Variants in NHSL2 observed in about 807,000 individuals in gnomAD.
NHSL2 encodes the protein NHS like 2, also known as NHS-like protein 2.
Under a neutral mutation model 53.4 loss-of-function variants are expected in NHSL2, and 27 were observed. That is an observed-to-expected ratio of 0.51 (90% CI 0.37 to 0.70). The LOEUF is 0.70. NHSL2 is among the 30% of genes least tolerant of loss of function. The pLI, the probability that NHSL2 is intolerant of heterozygous loss-of-function variation, is 0.00. For missense variants in NHSL2, 892 were observed against 980.1 expected (o/e 0.91, Z 1.20); for synonymous variants, 408 against 404.1 (o/e 1.01, Z -0.12).
intron 1 of NHSL2, among the ~76,000 whole-genome samples, chrX:71,935,274 C>G (rs753492634): frequency 2.7e-5 from 3 of 112,437 alleles, no homozygotes; most frequent in African/African-American, 9.7e-5. Flanking sequence ...AGGAAGCAGC[C>G]CTCTTCTGTT....
chrX:72,134,559 G>T lies in NHSL2; in HGVS notation c.615G>T (p.Arg205Ser). ...ATGAGACTACCACCCAGGGTGTGAGGGCCCCCGAGGCCTCCCTGAGCCTGT... is the reference window on the plus strand; with the variant it reads ...ATGAGACTACCACCCAGGGTGTGAGTGCCCCCGAGGCCTCCCTGAGCCTGT... ...SEDETTTQGV[R>S]APEASLSLST... Residue 205 changes from arginine (R) to serine (S), a missense_variant, in exon 4 of 8, where the codon AGG becomes AGT. Physicochemically the swap from Arg to Ser is moderately radical, Grantham distance 110. Coordinates refer to ENST00000633930, the MANE Select transcript of NHSL2 (RefSeq NM_001013627.3). The T allele has an allele frequency of 8.6e-7, 1 of 1,166,285 alleles. No individual in the cohort carries two copies. The highest frequency in any genetic ancestry group is 2.3e-4 in the Middle Eastern group (1 of 4,306).
chrX:71,995,290 C>T (rs958922645), intron 1 of NHSL2, among the ~76,000 whole-genome samples: 4 of 112,283 alleles, frequency 3.6e-5, no homozygotes, highest in African/African-American at 1.3e-4. Context: ...ATCCTCTATG[C>T]TCTACTCTCA....
intron 1 of NHSL2, among the ~76,000 whole-genome samples, chrX:72,107,744 G>C (rs931700990): frequency 8.9e-6 from 1 of 111,792 alleles, no homozygotes; most frequent in Admixed American, 9.5e-5. Flanking sequence ...ACTTCTACTA[G>C]GTGGAAAAGA....
chrX:72,066,143 G>A (rs2042427986), intron 1 of NHSL2, among the ~76,000 whole-genome samples: 1 of 111,614 alleles, frequency 9.0e-6, no homozygotes, highest in Admixed American at 9.5e-5. Flanking sequence ...GAAGGGGTCT[G>A]GGGAAGGATG....
At chrX:71,953,276 C>T (rs985920340) in intron 1 of NHSL2, among the ~76,000 whole-genome samples, 7 of 112,302 alleles carry the variant, frequency 6.2e-5, no homozygotes, top group Non-Finnish European at 9.4e-5. Context: ...GAGCTGGCTT[C>T]CCAAGGTAGA....
chrX:71,973,041 A>G, intron 1 of NHSL2, among the ~76,000 whole-genome samples: 1 of 112,078 alleles, frequency 8.9e-6, no homozygotes, highest in African/African-American at 3.2e-5. Flanking sequence ...TCAGACCTCC[A>G]AGGATGAGTG....
At chrX:72,055,117 C>T (rs2042361588) in intron 1 of NHSL2, among the ~76,000 whole-genome samples, 1 of 111,732 alleles carries the variant, frequency 8.9e-6, no homozygotes, top group South Asian at 3.7e-4. Flanking sequence ...GATGTCACTC[C>T]ATTTCCAGTG....
chrX:71,918,551 G>A (rs930592843), intron 1 of NHSL2, among the ~76,000 whole-genome samples: 1 of 111,355 alleles, frequency 9.0e-6, no homozygotes, highest in Non-Finnish European at 1.9e-5. Context: ...TAGGAGGCCC[G>A]GAGGTGATTG....
At chrX:71,997,962 T>C (rs1312480964) in intron 1 of NHSL2, among the ~76,000 whole-genome samples, 2 of 112,304 alleles carry the variant, frequency 1.8e-5, no homozygotes, top group African/African-American at 6.5e-5. Flanking sequence ...AGGAGCATTC[T>C]GAATTTCATG....
intron 1 of NHSL2, among the ~76,000 whole-genome samples, chrX:72,100,715 G>A (rs764942954): frequency 1.8e-5 from 2 of 112,425 alleles, no homozygotes; most frequent in Admixed American, 9.4e-5. Flanking sequence ...TCTAACTAAT[G>A]CCTGATGATC....
At chrX:72,083,489 C>A (rs997194413) in intron 1 of NHSL2, among the ~76,000 whole-genome samples, 1 of 112,346 alleles carries the variant, frequency 8.9e-6, no homozygotes, top group African/African-American at 3.2e-5. Flanking sequence ...GCTTACTAAT[C>A]TTCTTTTGTA....
chrX:72,040,974 A>G lies in NHSL2; in HGVS notation c.281-91105A>G, dbSNP rs186304472. 1.1e-4 allele frequency among the ~76,000 whole-genome samples: 12 copies of G among 112,296 alleles called. No homozygotes were observed. The East Asian group carries it at 3.1e-3, about 29-fold the overall frequency. On this transcript the variant is annotated intron_variant, in intron 1 of 7. Transcript: ENST00000633930. ...AACAGACATATAAACACATAATTAT[A>G]ATGCAGTGGATAAATGATGACAGAG... is the stretch of plus-strand genomic sequence containing the variant.
intron 1 of NHSL2, among the ~76,000 whole-genome samples, chrX:72,043,795 G>T (rs763367662): frequency 2.7e-5 from 3 of 111,546 alleles, no homozygotes; most frequent in African/African-American, 9.8e-5. Context: ...CCCCTCTCCA[G>T]GCAACTGGAA....
chrX:72,076,810 A>C (rs1183047846), intron 1 of NHSL2, among the ~76,000 whole-genome samples: 3 of 111,509 alleles, frequency 2.7e-5, no homozygotes, highest in Admixed American at 9.5e-5. Context: ...CTTTGATGAA[A>C]CCTTCATTTC....
Position 71,943,765 on chromosome X carries a change from G to C in NHSL2, c.280+32398G>C, listed in dbSNP as rs775847162. ...GGGAGGTATAACTGGGTATACTTTG[G>C]CCTGAAAGTAACAGAAAACCCAACT... On this transcript the variant is annotated intron_variant, in intron 1 of 7. Coordinates refer to ENST00000633930, the MANE Select transcript of NHSL2 (RefSeq NM_001013627.3). 5.3e-5 allele frequency among the ~76,000 whole-genome samples: 6 copies of C among 112,346 alleles called. No homozygotes were observed. The South Asian group carries it at 2.2e-3, about 42-fold the overall frequency.
intron 1 of NHSL2, among the ~76,000 whole-genome samples, chrX:72,004,788 T>G (rs997267792): frequency 2.1e-5 from 2 of 94,011 alleles, no homozygotes; most frequent in African/African-American, 7.9e-5. Context: ...ACCCCCACCT[T>G]CCGCTCCTGG....
At chrX:71,959,376 C>G (rs775408248) in intron 1 of NHSL2, among the ~76,000 whole-genome samples, 3 of 112,568 alleles carry the variant, frequency 2.7e-5, no homozygotes, top group African/African-American at 9.7e-5. Context: ...AAGAGTCTTA[C>G]TAGTATATTT....
At chrX:72,029,315 C>T (rs1406287697) in intron 1 of NHSL2, among the ~76,000 whole-genome samples, 4 of 111,397 alleles carry the variant, frequency 3.6e-5, no homozygotes, top group Non-Finnish European at 7.5e-5. Flanking sequence ...AATGGGTGAG[C>T]TTCATGACTT....
intron 1 of NHSL2, among the ~76,000 whole-genome samples, chrX:72,069,923 G>C (rs1473478013): frequency 8.9e-6 from 1 of 111,858 alleles, no homozygotes; most frequent in African/African-American, 3.3e-5. Flanking sequence ...CCTGTGACAG[G>C]CTGAATTGCA....
Sources: gnomAD v4.1 joint callset for allele counts (sites outside exome capture counted in the v4.1 genomes callset) on GRCh38, gnomAD v4.1.1 for gene constraint, MANE v1.5 for transcripts, NCBI Gene and HGNC (gene_info 2026-07-23, HGNC 2026-07-21) for gene names.